The following NSMCE2 variants were observed in gnomAD, a reference collection of about 807,000 sequenced individuals.
NSMCE2 encodes E3 SUMO-protein ligase NSE2.
A neutral mutation model predicts 23.8 loss-of-function variants in NSMCE2; 24 were observed. The ratio of observed to expected loss-of-function variants is 1.01; its 90% CI spans 0.73 to 1.42. The LOEUF is 1.42. Among genes scored for constraint, NSMCE2 ranks in the 40% most tolerant of loss-of-function variants. The pLI is 0.00. For synonymous variants in NSMCE2, 92 were observed against 94.1 expected, an observed-to-expected ratio of 0.98 and a Z score of 0.13; for missense variants, 284 against 296.5, an observed-to-expected ratio of 0.96 and a Z score of 0.31.
rs1315581396 is a variant in NSMCE2 at position 125,253,947 on chromosome 8, T to C, written c.418+71691T>C. Among the ~76,000 whole-genome samples the C allele has an allele frequency of 4.6e-5, 7 of 152,300 alleles. No homozygotes were observed. In the East Asian group the frequency reaches 1.4e-3, roughly 29 times the overall value. Reference sequence around the variant, plus strand: ...TTTGGCAGTCATAGTCATCATGACTTCTCCTATAAGATTATCCTAGTGTTC... The same window carrying C: ...TTTGGCAGTCATAGTCATCATGACTCCTCCTATAAGATTATCCTAGTGTTC... On this transcript the variant is annotated intron_variant, in intron 5 of 7. Transcript: ENST00000287437.
At chr8:125,364,354 C>G (rs1320319131) in intron 7 of NSMCE2, among the ~76,000 whole-genome samples, 1 of 152,182 alleles carries the variant, frequency 6.6e-6, no homozygotes, top group African/African-American at 2.4e-5. Context: ...CCAAGAAATA[C>G]TTTCTTTCAT....
intron 5 of NSMCE2, among the ~76,000 whole-genome samples, chr8:125,253,084 A>T (rs995701582): frequency 3.9e-5 from 6 of 152,204 alleles, no homozygotes; most frequent in African/African-American, 1.4e-4. Context: ...CATTCTCATG[A>T]TTTCCGATTG....
At chr8:125,256,281 CAAA>C (rs113772162) in intron 5 of NSMCE2, among the ~76,000 whole-genome samples, 1 of 76,236 alleles carries the variant, frequency 1.3e-5, no homozygotes, top group Non-Finnish European at 2.9e-5. Flanking sequence ...GACTCCGTCT[CAAA>C]AAAAAAAAAA....
intron 5 of NSMCE2, among the ~76,000 whole-genome samples, chr8:125,257,919 A>G (rs1485375427): frequency 6.6e-6 from 1 of 152,234 alleles, no homozygotes; most frequent in Non-Finnish European, 1.5e-5. Flanking sequence ...AAGAGTAGCT[A>G]GAGAAGAACA....
At chr8:125,316,723 T>TTCC (rs1563780224) in intron 5 of NSMCE2, among the ~76,000 whole-genome samples, 5 of 105,136 alleles carry the variant, frequency 4.8e-5, no homozygotes, top group East Asian at 4.9e-4. Flanking sequence ...TCCTTCTTTC[T>TTCC]TTCCTTCTTT....
At chr8:125,290,702 A>G (rs1828074193) in intron 5 of NSMCE2, among the ~76,000 whole-genome samples, 1 of 152,260 alleles carries the variant, frequency 6.6e-6, no homozygotes, top group South Asian at 2.1e-4. Flanking sequence ...ACAGAGCCAC[A>G]TGACACAAAT....
chr8:125,339,156 C>T (rs1407055388), intron 5 of NSMCE2, among the ~76,000 whole-genome samples: 2 of 152,172 alleles, frequency 1.3e-5, no homozygotes, highest in Admixed American at 6.5e-5. Flanking sequence ...TCAGGTCTGC[C>T]TTGAGTCCTG....
chr8:125,120,940 C>G (rs530742476), intron 3 of NSMCE2, among the ~76,000 whole-genome samples: 1 of 152,328 alleles, frequency 6.6e-6, no homozygotes, highest in African/African-American at 2.4e-5. Context: ...TTACCCTTCC[C>G]TCTTCATTCT....
At chr8:125,363,542 A>AG (rs1813651705) in intron 7 of NSMCE2, among the ~76,000 whole-genome samples, 16 of 103,106 alleles carry the variant, frequency 1.6e-4, no homozygotes, top group East Asian at 3.1e-4. Context: ...GAAAGAAAGA[A>AG]AGAGAGAGAG....
intron 1 of NSMCE2, among the ~76,000 whole-genome samples, chr8:125,096,020 A>G (rs1225501454): frequency 1.3e-5 from 2 of 152,070 alleles, no homozygotes; most frequent in East Asian, 3.9e-4. Context: ...TGCCCAGTTG[A>G]AGTTTCTTTC....
intron 5 of NSMCE2, among the ~76,000 whole-genome samples, chr8:125,329,933 T>G (rs1250014318): frequency 2.0e-5 from 3 of 151,962 alleles, no homozygotes; most frequent in African/African-American, 7.2e-5. Context: ...TAAGACTGGT[T>G]GTTATTTTTT....
intron 5 of NSMCE2, among the ~76,000 whole-genome samples, chr8:125,332,814 A>G (rs1829927314): frequency 6.6e-6 from 1 of 152,206 alleles, no homozygotes; most frequent in African/African-American, 2.4e-5. Context: ...TTACCTCTTT[A>G]GTTGACCCTG....
intron 5 of NSMCE2, among the ~76,000 whole-genome samples, chr8:125,254,811 C>A (rs1826339395): frequency 6.6e-6 from 1 of 152,100 alleles, no homozygotes; most frequent in Non-Finnish European, 1.5e-5. Flanking sequence ...GGGAATGAAT[C>A]CTTTCATTCA....
At chr8:125,130,518 C>T (rs1211300327) in intron 3 of NSMCE2, among the ~76,000 whole-genome samples, 2 of 151,960 alleles carry the variant, frequency 1.3e-5, no homozygotes, top group African/African-American at 4.8e-5. Context: ...CTGCTTCTGC[C>T]CCTGCCTTAG....
intron 3 of NSMCE2, among the ~76,000 whole-genome samples, chr8:125,108,714 A>G (rs1818588716): frequency 6.6e-6 from 1 of 152,214 alleles, no homozygotes; most frequent in African/African-American, 2.4e-5. Context: ...AGAGGGTAAG[A>G]AAGATGGATG....
intron 5 of NSMCE2, among the ~76,000 whole-genome samples, chr8:125,259,939 T>TG (rs749088618): frequency 1.1e-4 from 17 of 152,202 alleles, no homozygotes; most frequent in Non-Finnish European, 2.1e-4. Flanking sequence ...GAAACTGCAT[T>TG]GGGCTCATGT....
At position 125,140,648 on chromosome 8, in the gene NSMCE2, CA is replaced by C. The variant is rs879322327; in HGVS notation, c.158-10512del. Among the ~76,000 whole-genome samples, 40 of 142,860 alleles carry C rather than the reference CA, an allele frequency of 2.8e-4. No homozygotes were observed. The South Asian group carries it at 4.9e-3, about 17-fold the overall frequency. 93.7% of individuals were successfully genotyped at this position (142,860 alleles called of 152,430 possible). On this transcript the variant is annotated intron_variant, in intron 3 of 7. Transcript: ENST00000287437. ...TGGGTGATGGAGTGAGACTCCATCT[CA>C]AAAAAAAAAACATATGAGATTTAAG...
At chr8:125,192,605 G>A (rs755568008) in intron 5 of NSMCE2, among the ~76,000 whole-genome samples, 3 of 152,126 alleles carry the variant, frequency 2.0e-5, no homozygotes, top group Admixed American at 6.6e-5. Context: ...ATTTGAAATC[G>A]AGCACAGTCA....
At chr8:125,170,547 A>C (rs1822146054) in intron 4 of NSMCE2, among the ~76,000 whole-genome samples, 1 of 151,442 alleles carries the variant, frequency 6.6e-6, no homozygotes, top group African/African-American at 2.4e-5. Context: ...GCTGGGATTT[A>C]CAGGCATGTG....
Sources: allele counts gnomAD v4.1 joint callset (sites outside exome capture counted in the v4.1 genomes callset), GRCh38; gene constraint gnomAD v4.1.1; transcripts MANE v1.5; gene names NCBI Gene and HGNC (gene_info 2026-07-23, HGNC 2026-07-21).